Variants in TBC1D4 observed in about 807,000 individuals in gnomAD.
TBC1D4 encodes the protein TBC (Tre-2, BUB2, CDC16) domain-containing protein.
In TBC1D4, 121 loss-of-function variants were observed where a neutral mutation model predicts 142.5. That is an observed-to-expected ratio of 0.85 (90% CI 0.73 to 0.99). TBC1D4 has a LOEUF of 0.99. Ranked by LOEUF, TBC1D4 falls within the 50% of genes least tolerant of loss-of-function variation. The pLI is 0.00. For missense variants in TBC1D4, 1,475 were observed against 1,606.6 expected, an observed-to-expected ratio of 0.92 and a Z score of 1.40; for synonymous variants, 630 against 628.2, an observed-to-expected ratio of 1.00 and a Z score of -0.04.
chr13:75,425,515 T>G (rs766179936), intron 1 of TBC1D4, among the ~76,000 whole-genome samples: 40 of 152,216 alleles, frequency 2.6e-4, no homozygotes, highest in Admixed American at 6.5e-4. Context: ...GTATCTATAC[T>G]ATCATGTCCA....
intron 17 of TBC1D4, among the ~76,000 whole-genome samples, chr13:75,297,921 C>T (rs947625603): frequency 5.9e-5 from 9 of 152,066 alleles, no homozygotes; most frequent in Non-Finnish European, 1.3e-4. Flanking sequence ...ATGTTGATAG[C>T]AAAGCCCTAT....
chr13:75,468,533 A>G (rs1460780362), intron 1 of TBC1D4, among the ~76,000 whole-genome samples: 4 of 114,966 alleles, frequency 3.5e-5, no homozygotes, highest in African/African-American at 6.0e-5. Context: ...ATCAGGAGGG[A>G]AAAAAAAAAG....
Position 75,292,260 on chromosome 13 carries a change from GAAA to G in TBC1D4, c.3325_3327del (p.Phe1109del), listed in dbSNP as rs1875388306. The G allele has an allele frequency of 6.2e-7, 1 of 1,611,210 alleles. No homozygotes were observed. Among genetic ancestry groups the G allele is most frequent in the Admixed American group, 1.7e-5 (1 of 59,784 alleles). On this transcript the variant is annotated inframe_deletion, in exon 19 of 21. Transcript: ENST00000377636. ...TTGAATATAACTTCAGTTCCCTGAA[GAAA>G]AATAATATCTAAAAGAAGAGATATA...
chr13:75,376,343 T>C (rs897446717), intron 1 of TBC1D4, among the ~76,000 whole-genome samples: 6 of 151,852 alleles, frequency 4.0e-5, no homozygotes, highest in Non-Finnish European at 8.8e-5. Context: ...TATAAATATC[T>C]TTTCCAAATA....
chr13:75,420,169 A>C (rs777798850), intron 1 of TBC1D4, among the ~76,000 whole-genome samples: 3 of 152,198 alleles, frequency 2.0e-5, no homozygotes, highest in Non-Finnish European at 2.9e-5. Context: ...AAGAAGTTAG[A>C]TGCTGCCATC....
At chr13:75,404,315 A>C (rs1298052791) in intron 1 of TBC1D4, among the ~76,000 whole-genome samples, 1 of 152,180 alleles carries the variant, frequency 6.6e-6, no homozygotes, top group East Asian at 1.9e-4. Flanking sequence ...TTCCTTATAA[A>C]TCACACCCAG....
intron 1 of TBC1D4, among the ~76,000 whole-genome samples, chr13:75,443,839 C>T (rs1887154728): frequency 6.6e-6 from 1 of 152,112 alleles, no homozygotes; most frequent in Admixed American, 6.6e-5. Flanking sequence ...ACCTACCTTG[C>T]CAAGCACTTA....
chr13:75,287,653 CT>C (rs528521455), intron 20 of TBC1D4, among the ~76,000 whole-genome samples: 224 of 152,196 alleles, frequency 1.5e-3, no homozygotes, highest in Admixed American at 2.9e-3. Context: ...GTATGTTGCC[CT>C]TTTTTGAATA....
chr13:75,423,446 A>C (rs1250292745), intron 1 of TBC1D4, among the ~76,000 whole-genome samples: 1 of 152,194 alleles, frequency 6.6e-6, no homozygotes, highest in East Asian at 1.9e-4. Context: ...CTTGCTAAAG[A>C]AATTAAAATT....
intron 1 of TBC1D4, among the ~76,000 whole-genome samples, chr13:75,420,170 T>G (rs909910331): frequency 3.3e-5 from 5 of 152,276 alleles, no homozygotes; most frequent in African/African-American, 1.2e-4. Flanking sequence ...AGAAGTTAGA[T>G]GCTGCCATCT....
At chr13:75,448,435 G>A (rs1448328839) in intron 1 of TBC1D4, among the ~76,000 whole-genome samples, 2 of 151,964 alleles carry the variant, frequency 1.3e-5, no homozygotes, top group African/African-American at 4.8e-5. Context: ...CAGACGTGGT[G>A]GCGCATCCTG....
chr13:75,451,217 G>A (rs1176279898), intron 1 of TBC1D4, among the ~76,000 whole-genome samples: 2 of 152,062 alleles, frequency 1.3e-5, no homozygotes, highest in African/African-American at 4.8e-5. Context: ...TCCATAAGAT[G>A]GAGTGAATAG....
chr13:75,376,072 G>A (rs1479232573), intron 1 of TBC1D4: 1 of 152,102 alleles, frequency 6.6e-6, no homozygotes, highest in Non-Finnish European at 1.5e-5. Context: ...GGGGATAAAT[G>A]CAAGTCAAAA....
At chr13:75,455,108 A>C (rs1040150053) in intron 1 of TBC1D4, among the ~76,000 whole-genome samples, 8 of 152,096 alleles carry the variant, frequency 5.3e-5, no homozygotes, top group Non-Finnish European at 1.0e-4. Context: ...CCTCCCTCCC[A>C]TCCTATCTTT....
At chr13:75,417,898 G>C (rs1885989691) in intron 1 of TBC1D4, among the ~76,000 whole-genome samples, 1 of 152,096 alleles carries the variant, frequency 6.6e-6, no homozygotes, top group African/African-American at 2.4e-5. Flanking sequence ...ATGCAATCTT[G>C]AGTAAGTCAC....
At position 75,294,861 on chromosome 13, in the gene TBC1D4, T is replaced by C; in HGVS notation, c.3309A>G (p.Arg1103=). 1 of 1,613,824 alleles carries C rather than the reference T, an allele frequency of 6.2e-7. No homozygotes were observed. ...ASQFSLGFVA[R]VFDIIFLQGT... ...ATTACAGGTATCTCTTACCAAAAAC[T>C]CTGGCTACAAATCCTAATGAAAACT... Residue 1103 remains arginine (R), a synonymous_variant, in exon 18 of 21, where the codon AGA becomes AGG. Coordinates refer to ENST00000377636, the MANE Select transcript of TBC1D4 (RefSeq NM_014832.5).
intron 1 of TBC1D4, among the ~76,000 whole-genome samples, chr13:75,457,111 G>T (rs747719302): frequency 6.6e-6 from 1 of 152,102 alleles, no homozygotes; most frequent in African/African-American, 2.4e-5. Context: ...TCAGGATAAT[G>T]ATTTCTAAGG....
chr13:75,429,107 G>C (rs1397840772), intron 1 of TBC1D4, among the ~76,000 whole-genome samples: 3 of 151,996 alleles, frequency 2.0e-5, no homozygotes, highest in Admixed American at 2.0e-4. Flanking sequence ...TAACTTTTTT[G>C]GTGTTTTCTT....
intron 1 of TBC1D4, among the ~76,000 whole-genome samples, chr13:75,479,697 T>C (rs1321078701): frequency 6.6e-6 from 1 of 151,442 alleles, no homozygotes; most frequent in Non-Finnish European, 1.5e-5. Context: ...ACCAGAAAAA[T>C]GTAATACAAT....
Sources: gnomAD v4.1 joint callset for allele counts (sites outside exome capture counted in the v4.1 genomes callset) on GRCh38, gnomAD v4.1.1 for gene constraint, MANE v1.5 for transcripts, NCBI Gene and HGNC (gene_info 2026-07-23, HGNC 2026-07-21) for gene names.